TMEM132D: variants seen among roughly 807,000 people sequenced by gnomAD.
The protein encoded by TMEM132D is mature OL transmembrane protein.
In TMEM132D, 21 loss-of-function variants were observed where a neutral mutation model predicts 62.3. That is an observed-to-expected ratio of 0.34 (90% CI 0.24 to 0.49). The LOEUF (loss-of-function observed/expected upper bound fraction) is 0.49, where lower values mean the gene tolerates loss of function less well. Ranked by LOEUF, TMEM132D falls within the 20% of genes least tolerant of loss-of-function variation. The probability of loss-of-function intolerance (pLI) is 0.99; values close to 1 mark genes in which losing one functional copy is unlikely to be tolerated. For missense variants in TMEM132D, 1,346 were observed against 1,402.8 expected (o/e 0.96, Z 0.65); for synonymous variants, 621 against 575.6 (o/e 1.08, Z -1.13).
chr12:129,746,425 C>T (rs1869780394), intron 1 of TMEM132D, among the ~76,000 whole-genome samples: 1 of 152,000 alleles, frequency 6.6e-6, no homozygotes, highest in Non-Finnish European at 1.5e-5. Context: ...AAGACAGCAT[C>T]CTGGACCAGG....
At chr12:129,744,952 C>T (rs901327149) in intron 1 of TMEM132D, among the ~76,000 whole-genome samples, 4 of 152,084 alleles carry the variant, frequency 2.6e-5, no homozygotes, top group African/African-American at 9.7e-5. Flanking sequence ...GATCATGGGG[C>T]GGTTTCCCCC....
chr12:129,228,471 AT>A (rs970233434), intron 4 of TMEM132D, among the ~76,000 whole-genome samples: 6 of 152,188 alleles, frequency 3.9e-5, no homozygotes, highest in African/African-American at 1.4e-4. Flanking sequence ...GAACATTTTT[AT>A]TGCCTTAAAA....
At chr12:129,238,752 AC>A (rs1879853579) in intron 4 of TMEM132D, among the ~76,000 whole-genome samples, 1 of 152,106 alleles carries the variant, frequency 6.6e-6, no homozygotes, top group Non-Finnish European at 1.5e-5. Flanking sequence ...GGTTGATTCT[AC>A]CTCTTGGCTA....
chr12:129,479,674 G>A (rs1223025608), intron 3 of TMEM132D, among the ~76,000 whole-genome samples: 1 of 152,250 alleles, frequency 6.6e-6, no homozygotes, highest in African/African-American at 2.4e-5. Context: ...AAGCCCGTGT[G>A]AGGGTCTGAA....
At chr12:129,099,381 G>C (rs1875219435) in intron 5 of TMEM132D, among the ~76,000 whole-genome samples, 1 of 152,182 alleles carries the variant, frequency 6.6e-6, no homozygotes, top group Admixed American at 6.5e-5. Flanking sequence ...GGGCAAAGGA[G>C]AAGCTTTCCT....
chr12:129,662,349 T>C (rs758945320), intron 2 of TMEM132D, among the ~76,000 whole-genome samples: 8 of 152,182 alleles, frequency 5.3e-5, no homozygotes, highest in Non-Finnish European at 1.2e-4. Flanking sequence ...CCACCTCCAA[T>C]CGCCAAGTTA....
In TMEM132D at chr12:129,779,097, T is replaced by A. The variant is rs1314757539; in HGVS notation, c.80-78399A>T. On this transcript the variant is annotated intron_variant, in intron 1 of 8. Coordinates refer to ENST00000422113, the MANE Select transcript of TMEM132D (RefSeq NM_133448.3). This position sits in a 1 kb window ranked among gnomAD's most constrained non-coding sequence, Gnocchi z 4.1. ...TTTTCCGTCAATGTCCTTACCATTC[T>A]CATACAACGAGGCGACTGCAACAGC... Among the ~76,000 whole-genome samples the A allele has an allele frequency of 6.6e-6, 1 of 152,156 alleles. No individual in the cohort carries two copies. The highest frequency in any genetic ancestry group is 1.5e-5 in the Non-Finnish European group (1 of 68,038).
At chr12:129,878,212 C>A (rs1874489399) in intron 1 of TMEM132D, among the ~76,000 whole-genome samples, 1 of 152,204 alleles carries the variant, frequency 6.6e-6, no homozygotes, top group Non-Finnish European at 1.5e-5. Flanking sequence ...GAAGGACCTA[C>A]CTTAAGCTAC....
intron 3 of TMEM132D, among the ~76,000 whole-genome samples, chr12:129,399,758 G>A (rs532495410): frequency 6.6e-6 from 1 of 152,042 alleles, no homozygotes; most frequent in South Asian, 2.1e-4. Flanking sequence ...TTTGAAAATA[G>A]AAAGCAAAGA....
At chr12:129,511,913 T>C (rs1875507464) in intron 3 of TMEM132D, among the ~76,000 whole-genome samples, 1 of 152,210 alleles carries the variant, frequency 6.6e-6, no homozygotes, top group Admixed American at 6.5e-5. Flanking sequence ...AGAAGAAAGT[T>C]GCCCATTTAA....
intron 5 of TMEM132D, among the ~76,000 whole-genome samples, chr12:129,098,552 G>T (rs985721663): frequency 6.6e-6 from 1 of 152,126 alleles, no homozygotes; most frequent in African/African-American, 2.4e-5. Context: ...TAACTCCACT[G>T]TCCTTCACAA....
chr12:129,748,528 C>T (rs1869890924), intron 1 of TMEM132D, among the ~76,000 whole-genome samples: 2 of 152,056 alleles, frequency 1.3e-5, no homozygotes, highest in Non-Finnish European at 2.9e-5. Flanking sequence ...AGAAGCAGGG[C>T]TCATAGAAAA....
At chr12:129,828,117 C>A (rs1424997360) in intron 1 of TMEM132D, among the ~76,000 whole-genome samples, 1 of 151,902 alleles carries the variant, frequency 6.6e-6, no homozygotes, top group East Asian at 1.9e-4. Flanking sequence ...GCAAAGATAC[C>A]CACAGTAGCA....
intron 1 of TMEM132D, among the ~76,000 whole-genome samples, chr12:129,789,664 A>T (rs1871346137): frequency 6.6e-6 from 1 of 152,232 alleles, no homozygotes; most frequent in Admixed American, 6.5e-5. Context: ...GAAGTCTCTG[A>T]CATGTGTCAA....
intron 1 of TMEM132D, among the ~76,000 whole-genome samples, chr12:129,783,550 A>C (rs1273831582): frequency 6.6e-6 from 1 of 152,114 alleles, no homozygotes; most frequent in Non-Finnish European, 1.5e-5. Flanking sequence ...ACTTGTTTTC[A>C]TTGTAGGGCC....
intron 3 of TMEM132D, among the ~76,000 whole-genome samples, chr12:129,343,322 A>G (rs1003070653): frequency 8.6e-5 from 13 of 151,982 alleles, no homozygotes; most frequent in Non-Finnish European, 1.5e-4. Flanking sequence ...AAACTATCAC[A>G]AGGACAGAAA....
rs1378108001 is a variant in TMEM132D at position 129,827,750 on chromosome 12, CTCAGT to C, written c.79+75506_79+75510del. 1.3e-5 allele frequency among the ~76,000 whole-genome samples: 2 copies of C among 152,174 alleles called. No homozygotes were observed. The highest frequency in any genetic ancestry group is 4.8e-5 in the African/African-American group (2 of 41,448). On this transcript the variant is annotated intron_variant, in intron 1 of 8. Coordinates refer to ENST00000422113, the MANE Select transcript of TMEM132D (RefSeq NM_133448.3). The surrounding 1 kb of genome is among the most constrained non-coding windows in gnomAD (Gnocchi z 9.7). ...GGAAGTTAATCTTTAGCCCCCTCAC[CTCAGT>C]TAAGTGCATTCCGAGCTAACAGATG...
chr12:129,208,650 A>G (rs7954546), intron 5 of TMEM132D: 130,922 of 152,218 alleles, frequency 0.86, 56,393 homozygotes, highest in Non-Finnish European at 0.86. Flanking sequence ...TAGGACTCAT[A>G]TGGAGGGAGT....
chr12:129,615,795 C>CAAAACAAAATAAAAT lies in TMEM132D; in HGVS notation c.968+84014_968+84015insATTTTATTTTGTTTT, dbSNP rs398044871. On this transcript the variant is annotated intron_variant, in intron 2 of 8. Coordinates refer to ENST00000422113, the MANE Select transcript of TMEM132D (RefSeq NM_133448.3). ...ATAATTAAAACAAAACAAAACAAAA[C>CAAAACAAAATAAAAT]AAAATAAAATAAAATAAAATAAAAT... Among the ~76,000 whole-genome samples, 581 of 139,100 alleles carry CAAAACAAAATAAAAT rather than the reference C, an allele frequency of 4.2e-3. 1 individual carries two copies. Among genetic ancestry groups the CAAAACAAAATAAAAT allele is most frequent in the Non-Finnish European group, 6.9e-3 (450 of 64,814 alleles). The allele number at this position is 139,100 out of a possible 152,430, so 91.3% of individuals were successfully genotyped here.
Sources: allele counts gnomAD v4.1 joint callset (sites outside exome capture counted in the v4.1 genomes callset), GRCh38; gene constraint gnomAD v4.1.1; non-coding constraint Gnocchi (gnomAD v3.1); transcripts MANE v1.5; gene names NCBI Gene and HGNC (gene_info 2026-07-23, HGNC 2026-07-21).